Variants in GLE1 observed in about 807,000 individuals in gnomAD.
GLE1 encodes the protein mRNA export factor GLE1.
GLE1 carries 78 observed loss-of-function variants against 97.3 expected under a neutral mutation model. The ratio of observed to expected loss-of-function variants is 0.80; its 90% CI spans 0.67 to 0.97. GLE1 has a LOEUF of 0.97. GLE1 is among the 50% of genes least tolerant of loss of function. GLE1 has a pLI of 0.00. For missense variants in GLE1, 753 were observed against 857.5 expected, an observed-to-expected ratio of 0.88 and a Z score of 1.52; for synonymous variants, 302 against 313.4, an observed-to-expected ratio of 0.96 and a Z score of 0.39.
intron 7 of GLE1, among the ~76,000 whole-genome samples, chr9:128,525,919 G>A (rs1305424051): frequency 1.3e-5 from 2 of 152,048 alleles, no homozygotes; most frequent in East Asian, 1.9e-4. Flanking sequence ...GTGAGACTCC[G>A]TCTCAAAAAA....
Position 128,541,219 on chromosome 9 carries a change from A to C in GLE1, c.*49A>C. The C allele has an allele frequency of 1.0e-6, 1 of 994,174 alleles. No homozygotes were observed. The highest frequency in any genetic ancestry group is 1.6e-6 in the Non-Finnish European group (1 of 612,854). The allele number at this position is 994,174 out of a possible 1,614,324, so 61.6% of individuals were successfully genotyped here. ...CCGCTGCTGCAAAGAGGCAATAATA[A>C]AGGAACTGAAGACAGCTGTATTTGG... On this transcript the variant is annotated 3_prime_UTR_variant, in exon 16 of 16. Coordinates refer to ENST00000309971, the MANE Select transcript of GLE1 (RefSeq NM_001003722.2).
At chr9:128,530,088 G>C (rs562340303) in intron 9 of GLE1, among the ~76,000 whole-genome samples, 1 of 152,154 alleles carries the variant, frequency 6.6e-6, no homozygotes, top group African/African-American at 2.4e-5. Context: ...GAGCCACTGT[G>C]CCCGGCTGGG....
chr9:128,515,777 G>A, intron 3 of GLE1, 138 bp downstream of exon 3: 1 of 683,620 alleles, frequency 1.5e-6, no homozygotes, highest in Non-Finnish European at 2.7e-6. Context: ...GTGTAATAGA[G>A]GTCAGGAGTG....
chr9:128,523,816 C>T lies in GLE1; in HGVS notation c.867C>T (p.Leu289=), dbSNP rs1257944189. Residue 289 remains leucine, a synonymous_variant, in exon 6 of 16, where the codon CTC becomes CTT. Transcript: ENST00000309971. ...CCCGAGGCAACCAGCTGTGCAGCCT[C>T]ATCTCAGGGATCATCCGGGCCTCTT... The part of the protein sequence containing the change: ...FQTRGNQLCS[L]ISGIIRASSE... 5 of 1,613,958 alleles carry T rather than the reference C, an allele frequency of 3.1e-6. No individual in the cohort carries two copies. The highest frequency in any genetic ancestry group is 1.7e-5 in the Admixed American group (1 of 59,992).
At chr9:128,512,066 T>TC (rs779366529) in intron 2 of GLE1, among the ~76,000 whole-genome samples, 4 of 152,094 alleles carry the variant, frequency 2.6e-5, no homozygotes, top group Non-Finnish European at 5.9e-5. Context: ...CAACTTGGCC[T>TC]CCCAAAGTTC....
chr9:128,529,786 CT>C (rs369057972), intron 9 of GLE1, among the ~76,000 whole-genome samples: 100 of 144,636 alleles, frequency 6.9e-4, no homozygotes, highest in Non-Finnish European at 6.9e-4. Flanking sequence ...GGGATCTACT[CT>C]TTTTTTTTTT....
intron 3 of GLE1, among the ~76,000 whole-genome samples, chr9:128,517,375 A>G (rs1223768912): frequency 6.6e-6 from 1 of 152,216 alleles, no homozygotes; most frequent in Non-Finnish European, 1.5e-5. Context: ...CTGAGCACCT[A>G]TGTGCTAGAT....
At chr9:128,509,630 T>G (rs1846744912) in intron 2 of GLE1, among the ~76,000 whole-genome samples, 2 of 149,430 alleles carry the variant, frequency 1.3e-5, no homozygotes, top group Admixed American at 1.3e-4. Flanking sequence ...CTCTTGCCTA[T>G]TAAACCTCCA....
chr9:128,508,133 T>C (rs1274265180), intron 1 of GLE1, among the ~76,000 whole-genome samples: 2 of 144,924 alleles, frequency 1.4e-5, no homozygotes, highest in Non-Finnish European at 3.0e-5. Flanking sequence ...TGAGCCAAGA[T>C]CGTGCCATTG....
rs1847709546 is a variant in GLE1 at position 128,536,345 on chromosome 9, TC to T, written c.1647-7del. On this transcript the variant is annotated splice_polypyrimidine_tract_variant and intron_variant, in intron 11 of 15. Coordinates refer to ENST00000309971, the MANE Select transcript of GLE1 (RefSeq NM_001003722.2). Reference sequence around the variant, plus strand: ...CACCACACCCGGCCAAATTTTTTCTTCCCGTATAGGATGCTTGGTTACCAAG... The same window carrying T: ...CACCACACCCGGCCAAATTTTTTCTTCCGTATAGGATGCTTGGTTACCAAG... 6.2e-7 allele frequency: 1 copy of T among 1,612,236 alleles called. No individual in the cohort carries two copies. Among genetic ancestry groups the T allele is most frequent in the East Asian group, 2.2e-5 (1 of 44,692 alleles).
At chr9:128,512,244 TAG>T (rs1846847232) in intron 2 of GLE1, among the ~76,000 whole-genome samples, 2 of 152,310 alleles carry the variant, frequency 1.3e-5, no homozygotes, top group African/African-American at 2.4e-5. Flanking sequence ...TTGGTGGTGA[TAG>T]AACAGCTTTG....
At chr9:128,532,023 G>T (rs1159508120) in intron 9 of GLE1, among the ~76,000 whole-genome samples, 1 of 151,068 alleles carries the variant, frequency 6.6e-6, no homozygotes, top group Admixed American at 6.6e-5. Flanking sequence ...AGCCAGTGGG[G>T]TCCACATGGT....
intron 1 of GLE1, among the ~76,000 whole-genome samples, chr9:128,507,058 C>T (rs1846659750): frequency 6.6e-6 from 1 of 152,116 alleles, no homozygotes; most frequent in Admixed American, 6.6e-5. Context: ...TTTCTGCCTC[C>T]AGTTCTGGAA....
chr9:128,523,509 G>A (rs1847211232), intron 5 of GLE1, 83 bp from the exon 6 acceptor site: 1 of 1,550,282 alleles, frequency 6.5e-7, no homozygotes, highest in African/African-American at 1.4e-5. Flanking sequence ...GTGAAAATAT[G>A]TAGCCCACGT....
At chr9:128,537,489 G>GAACC (rs1238583524) in intron 12 of GLE1, among the ~76,000 whole-genome samples, 1 of 150,028 alleles carries the variant, frequency 6.7e-6, no homozygotes, top group African/African-American at 2.5e-5. Flanking sequence ...GAATGTGTGG[G>GAACC]AACCAATGTA....
intron 2 of GLE1, among the ~76,000 whole-genome samples, chr9:128,509,686 C>T (rs1381829956): frequency 1.3e-5 from 2 of 151,026 alleles, no homozygotes; most frequent in African/African-American, 2.4e-5. Context: ...GGACCCAACA[C>T]AGTGGCTCAT....
rs1330196367 is a variant in GLE1, at chr9:128,504,900, G to C, written c.95G>C (p.Arg32Pro). 6.2e-7 allele frequency: 1 copy of C among 1,603,504 alleles called. No individual in the cohort carries two copies. The highest frequency in any genetic ancestry group is 8.5e-7 in the Non-Finnish European group (1 of 1,170,662). ...LCYYRDWLLR[R>P]EDVLEECMSL... is the part of the protein sequence containing the mutation. ...TACTACCGCGACTGGCTGCTGCGGC[G>C]CGAGGTGAGCGGTGGCCCCGGAGGA... The change falls in exon 1 of 16, where the codon CGC (arginine) becomes CCC (proline). Residue 32 changes from arginine (R) to proline (P), a missense_variant. Arg to Pro is a moderately radical substitution (Grantham distance 103). Coordinates refer to ENST00000309971, the MANE Select transcript of GLE1 (RefSeq NM_001003722.2).
At position 128,536,353 on chromosome 9, in the gene GLE1, A is replaced by T; in HGVS notation, c.1647-2A>T. 6.2e-7 allele frequency: 1 copy of T among 1,613,016 alleles called. No homozygotes were observed. Among genetic ancestry groups the T allele is most frequent in the Admixed American group, 1.7e-5 (1 of 59,980 alleles). Reference sequence around the variant, plus strand: ...CCGGCCAAATTTTTTCTTCCCGTATAGGATGCTTGGTTACCAAGTAAAGGA... The same window carrying T: ...CCGGCCAAATTTTTTCTTCCCGTATTGGATGCTTGGTTACCAAGTAAAGGA... On this transcript the variant is annotated splice_acceptor_variant, in intron 11 of 15. Coordinates refer to ENST00000309971, the MANE Select transcript of GLE1 (RefSeq NM_001003722.2). LOFTEE classifies it high-confidence loss of function.
intron 1 of GLE1, among the ~76,000 whole-genome samples, chr9:128,506,699 A>C (rs1846649714): frequency 6.6e-6 from 1 of 152,222 alleles, no homozygotes; most frequent in South Asian, 2.1e-4. Flanking sequence ...CTAGGAAATA[A>C]TACATATCTA....
Sources: allele counts gnomAD v4.1 joint callset (sites outside exome capture counted in the v4.1 genomes callset), GRCh38; gene constraint gnomAD v4.1.1; transcripts MANE v1.5; gene names NCBI Gene and HGNC (gene_info 2026-07-23, HGNC 2026-07-21).